GPM6A: variants seen among roughly 807,000 people sequenced by gnomAD.
GPM6A encodes the protein glycoprotein M6A.
GPM6A carries 7 observed loss-of-function variants against 32.1 expected under a neutral mutation model. The observed-to-expected ratio is 0.22, with a 90% CI of 0.12 to 0.41. The LOEUF (loss-of-function observed/expected upper bound fraction) is 0.41. Ranked by LOEUF, GPM6A falls within the 10% of genes least tolerant of loss-of-function variation. The pLI is 1.00. For synonymous variants in GPM6A, 130 were observed against 123.4 expected (o/e 1.05, Z -0.35); for missense variants, 235 against 347.2 (o/e 0.68, Z 2.57).
intron 1 of GPM6A, among the ~76,000 whole-genome samples, chr4:175,936,843 A>C (rs1420042243): frequency 1.3e-5 from 2 of 152,110 alleles, no homozygotes; most frequent in Non-Finnish European, 2.9e-5. Flanking sequence ...AAAAATAAAT[A>C]ATAAAAAGGC....
intron 6 of GPM6A, among the ~76,000 whole-genome samples, chr4:175,638,483 C>T (rs1036892756): frequency 1.3e-5 from 2 of 151,922 alleles, no homozygotes; most frequent in African/African-American, 4.8e-5. Flanking sequence ...GTACGTATAG[C>T]TTTAAGTATA....
In GPM6A at chr4:175,936,075, G is replaced by A. The variant is rs974089328; in HGVS notation, c.-23+66234C>T. On this transcript the variant is annotated intron_variant, in intron 1 of 7. Coordinates refer to the GPM6A transcript ENST00000280187. ...AATCCCAGCACTTTGGGAGGCCGAGGGGGGTGGATCATGAGGTCAGGTGAT... is the reference window on the plus strand; with the variant it reads ...AATCCCAGCACTTTGGGAGGCCGAGAGGGGTGGATCATGAGGTCAGGTGAT... 1.3e-4 allele frequency among the ~76,000 whole-genome samples: 20 copies of A among 151,688 alleles called. No homozygotes were observed. The South Asian group carries it at 4.2e-3, about 32-fold the overall frequency.
chr4:175,884,549 T>G (rs900492455), intron 1 of GPM6A, among the ~76,000 whole-genome samples: 10 of 152,174 alleles, frequency 6.6e-5, no homozygotes, highest in Non-Finnish European at 1.5e-4. Flanking sequence ...TAATTATTAT[T>G]GATATGGAGT....
At chr4:175,971,332 A>G (rs1263522110) in intron 1 of GPM6A, among the ~76,000 whole-genome samples, 1 of 152,118 alleles carries the variant, frequency 6.6e-6, no homozygotes, top group Non-Finnish European at 1.5e-5. Context: ...CTATGCATCA[A>G]AACCAACATA....
intron 1 of GPM6A, among the ~76,000 whole-genome samples, chr4:175,765,830 T>G (rs533724558): frequency 1.3e-5 from 2 of 152,324 alleles, no homozygotes; most frequent in South Asian, 4.1e-4. Flanking sequence ...TTTTCACATC[T>G]TATCGGCACC....
intron 1 of GPM6A, among the ~76,000 whole-genome samples, chr4:175,788,289 A>AT (rs1319801457): frequency 6.6e-6 from 1 of 152,186 alleles, no homozygotes; most frequent in East Asian, 1.9e-4. Context: ...GAAAGCAAAG[A>AT]TTTTTAACTG....
At chr4:175,644,117 G>GTT (rs1223083455) in intron 4 of GPM6A, among the ~76,000 whole-genome samples, 22 of 110,758 alleles carry the variant, frequency 2.0e-4, no homozygotes, top group African/African-American at 4.3e-4. Flanking sequence ...AAACTTTTCC[G>GTT]TTTGTTTTTT....
chr4:175,664,531 C>T (rs2110956349), intron 3 of GPM6A, among the ~76,000 whole-genome samples: 1 of 152,320 alleles, frequency 6.6e-6, no homozygotes, highest in Non-Finnish European at 1.5e-5. Context: ...TAAAAACTAA[C>T]TGCAATACTT....
intron 2 of GPM6A, among the ~76,000 whole-genome samples, chr4:175,690,100 T>C (rs992258400): frequency 1.3e-5 from 2 of 152,168 alleles, no homozygotes; most frequent in Non-Finnish European, 2.9e-5. Flanking sequence ...ATAAAGGTAT[T>C]GGTCTGTAAA....
chr4:175,685,466 C>A (rs1743927650), intron 2 of GPM6A, among the ~76,000 whole-genome samples: 1 of 152,086 alleles, frequency 6.6e-6, no homozygotes, highest in Non-Finnish European at 1.5e-5. Flanking sequence ...ATCAAGTTTA[C>A]CTTTACCTTT....
chr4:175,673,417 A>AC (rs1344188560), intron 3 of GPM6A, among the ~76,000 whole-genome samples: 1 of 152,048 alleles, frequency 6.6e-6, no homozygotes, highest in Non-Finnish European at 1.5e-5. Context: ...TTGGAAAAAA[A>AC]AAACCATACA....
At position 175,634,816 on chromosome 4, in the gene GPM6A, T is replaced by G; in HGVS notation, c.*89A>C. On this transcript the variant is annotated 3_prime_UTR_variant, in exon 7 of 7. Coordinates refer to ENST00000393658, the MANE Select transcript of GPM6A (RefSeq NM_201591.3). ...TTACATATCATTGATGAGAAGCACTTTCGTTTTGTTTTTTAAAGGTTGGAT... is the reference window on the plus strand; with the variant it reads ...TTACATATCATTGATGAGAAGCACTGTCGTTTTGTTTTTTAAAGGTTGGAT... 1 of 1,009,744 alleles carries G rather than the reference T, an allele frequency of 9.9e-7. No individual in the cohort carries two copies. Among genetic ancestry groups the G allele is most frequent in the Non-Finnish European group, 1.5e-6 (1 of 661,858 alleles). 62.5% of individuals were successfully genotyped at this position (1,009,744 alleles called of 1,614,324 possible).
chr4:175,989,888 T>C (rs1289932884), intron 1 of GPM6A, among the ~76,000 whole-genome samples: 2 of 152,088 alleles, frequency 1.3e-5, no homozygotes, highest in African/African-American at 4.8e-5. Context: ...TCTATAAGAG[T>C]CATCCTCTTG....
chr4:175,721,362 G>A (rs1234060806), intron 1 of GPM6A, among the ~76,000 whole-genome samples: 4 of 151,580 alleles, frequency 2.6e-5, no homozygotes, highest in Admixed American at 6.6e-5. Context: ...TGTAGTCCCA[G>A]CTATTCGGGA....
In GPM6A at chr4:175,673,668, G is replaced by C. The variant is rs1743205562; in HGVS notation, c.387+12C>G. Reference sequence around the variant, plus strand: ...ATCCACATTAAATACTGAATGTAGAGAACTAACATACCCAAGCGCTCACAC... The same window carrying C: ...ATCCACATTAAATACTGAATGTAGACAACTAACATACCCAAGCGCTCACAC... On this transcript the variant is annotated intron_variant, in intron 3 of 6. Coordinates refer to ENST00000393658, the MANE Select transcript of GPM6A (RefSeq NM_201591.3). 1.9e-6 allele frequency: 3 copies of C among 1,592,688 alleles called. No homozygotes were observed. Among genetic ancestry groups the C allele is most frequent in the Middle Eastern group, 1.7e-4 (1 of 6,002 alleles).
At chr4:175,915,272 T>A (rs1317903776) in intron 1 of GPM6A, among the ~76,000 whole-genome samples, 3 of 149,006 alleles carry the variant, frequency 2.0e-5, no homozygotes, top group African/African-American at 7.6e-5. Context: ...AGGCTATCCT[T>A]CCTTAATTAA....
chr4:175,930,884 A>G (rs1435866755), intron 1 of GPM6A, among the ~76,000 whole-genome samples: 1 of 152,168 alleles, frequency 6.6e-6, no homozygotes. Flanking sequence ...TGACATTTAC[A>G]CGATACCTGG....
chr4:175,692,026 G>T (rs1744327002), intron 2 of GPM6A, among the ~76,000 whole-genome samples: 2 of 152,076 alleles, frequency 1.3e-5, no homozygotes, highest in Non-Finnish European at 2.9e-5. Flanking sequence ...GCACAATTCT[G>T]CCAACACCTT....
chr4:175,749,351 T>A (rs1350959554), intron 1 of GPM6A, among the ~76,000 whole-genome samples: 2 of 152,050 alleles, frequency 1.3e-5, no homozygotes, highest in African/African-American at 4.8e-5. Context: ...TACCAAGAAA[T>A]GAAGTGAGCA....
Sources: allele counts gnomAD v4.1 joint callset (sites outside exome capture counted in the v4.1 genomes callset), GRCh38; gene constraint gnomAD v4.1.1; transcripts MANE v1.5; gene names NCBI Gene and HGNC (gene_info 2026-07-23, HGNC 2026-07-21).